SYCP2L: variants seen among roughly 807,000 people sequenced by gnomAD.
SYCP2L encodes the protein synaptonemal complex protein 2-like.
SYCP2L carries 98 observed loss-of-function variants against 125.8 expected under a neutral mutation model. The observed-to-expected ratio is 0.78, with a 90% CI of 0.66 to 0.92. SYCP2L has a LOEUF of 0.92. SYCP2L is among the 40% of genes least tolerant of loss of function. SYCP2L has a pLI of 0.00. For synonymous variants in SYCP2L, 317 were observed against 325.4 expected, an observed-to-expected ratio of 0.97 and a Z score of 0.28; for missense variants, 842 against 936.4, an observed-to-expected ratio of 0.90 and a Z score of 1.32.
At chr6:10,891,418 A>ATTTTTTTT (rs61237589) in intron 1 of SYCP2L, 95 bp from the exon 2 acceptor site, 3 of 474,180 alleles carry the variant, frequency 6.3e-6, no homozygotes, top group South Asian at 2.7e-5. Flanking sequence ...CAAACCTTTA[A>ATTTTTTTT]TTTTTTTTTT....
chr6:10,887,209 C>G lies in SYCP2L; in HGVS notation c.9+74C>G. ...GCGCGAGGGCGCGGGGTCCCTGGGG[C>G]TCAGGTTCTGCCGCCTTGAGGTGTT... On this transcript the variant is annotated intron_variant, in intron 1 of 29. Coordinates refer to ENST00000283141, the MANE Select transcript of SYCP2L (RefSeq NM_001040274.3). The G allele has an allele frequency of 4.4e-6, 7 of 1,598,878 alleles. No individual in the cohort carries two copies. In the South Asian group the frequency reaches 7.7e-5, roughly 18 times the overall value.
intron 14 of SYCP2L, among the ~76,000 whole-genome samples, chr6:10,917,865 A>G (rs1232234031): frequency 1.3e-5 from 2 of 152,120 alleles, no homozygotes; most frequent in African/African-American, 4.8e-5. Flanking sequence ...CTCAGCATTT[A>G]TTTGTCTGAA....
At chr6:10,966,489 T>G (rs1017680575) in intron 29 of SYCP2L, among the ~76,000 whole-genome samples, 2 of 152,182 alleles carry the variant, frequency 1.3e-5, no homozygotes, top group Non-Finnish European at 2.9e-5. Context: ...GACCAATGGA[T>G]GGGAGATGGA....
At chr6:10,943,724 C>A (rs1398823625) in intron 23 of SYCP2L, among the ~76,000 whole-genome samples, 2 of 152,066 alleles carry the variant, frequency 1.3e-5, no homozygotes, top group African/African-American at 4.8e-5. Flanking sequence ...TCAGTTACTT[C>A]TTTTTATAAT....
chr6:10,924,565 T>G lies in SYCP2L; in HGVS notation c.1142T>G (p.Met381Arg), dbSNP rs962071195. ...KPMIISYKEV[M>R]KIEIHFDLQF... ...ATGATTATCAGCTACAAAGAAGTCATGAAAATAGAAATCCATTTTGATTTG... is the reference window on the plus strand; with the variant it reads ...ATGATTATCAGCTACAAAGAAGTCAGGAAAATAGAAATCCATTTTGATTTG... The change falls in exon 15 of 30, where the codon ATG becomes AGG. Residue 381 changes from methionine (M) to arginine (R), a missense_variant. Transcript: ENST00000283141. The G allele has an allele frequency of 1.1e-5, 18 of 1,606,186 alleles. No homozygotes were observed. Among genetic ancestry groups the G allele is most frequent in the Non-Finnish European group, 1.4e-5 (17 of 1,178,012 alleles).
chr6:10,948,166 C>T (rs1781348377), intron 23 of SYCP2L, among the ~76,000 whole-genome samples: 1 of 152,100 alleles, frequency 6.6e-6, no homozygotes, highest in Non-Finnish European at 1.5e-5. Flanking sequence ...CATATCCCCT[C>T]ACATAGTTAT....
chr6:10,920,214 T>G (rs534867656), intron 14 of SYCP2L, among the ~76,000 whole-genome samples: 18 of 152,256 alleles, frequency 1.2e-4, no homozygotes, highest in East Asian at 7.7e-4. Context: ...CTTTTTGTTT[T>G]GTTTGGTTTG....
At chr6:10,950,713 T>A (rs1008986200) in intron 23 of SYCP2L, among the ~76,000 whole-genome samples, 5 of 152,048 alleles carry the variant, frequency 3.3e-5, no homozygotes, top group African/African-American at 1.2e-4. Flanking sequence ...TAGACTGGAG[T>A]ACGGTGTGCA....
At chr6:10,958,938 C>A in intron 26 of SYCP2L, 63 bp downstream of exon 26, 3 of 1,426,466 alleles carry the variant, frequency 2.1e-6, no homozygotes, top group South Asian at 1.2e-5. Flanking sequence ...GCGTTTATCT[C>A]ATGACCACTG....
intron 23 of SYCP2L, 83 bp downstream of exon 23, chr6:10,942,829 ATTGCAGATCAAGTCACT>A (rs1781248206): frequency 4.0e-6 from 5 of 1,264,074 alleles, no homozygotes; most frequent in Non-Finnish European, 5.5e-6. Context: ...TGTTACTCAG[ATTGCAGATCAAGTCACT>A]TTGCACAGTG....
chr6:10,920,398 G>A (rs1478512505), intron 14 of SYCP2L, among the ~76,000 whole-genome samples: 1 of 152,068 alleles, frequency 6.6e-6, no homozygotes. Context: ...TTGTATTTTA[G>A]TAGAGATGGG....
In SYCP2L at chr6:10,889,115, C is replaced by G. The variant is rs546140116; in HGVS notation, c.9+1980C>G. Reference sequence around the variant, plus strand: ...GACCTCATGATATGCCCGCCTTGGCCTCCCAAAGTGCTGGGATTACAGGCG... The same window carrying G: ...GACCTCATGATATGCCCGCCTTGGCGTCCCAAAGTGCTGGGATTACAGGCG... On this transcript the variant is annotated intron_variant, in intron 1 of 29. Coordinates refer to ENST00000283141, the MANE Select transcript of SYCP2L (RefSeq NM_001040274.3). Among the ~76,000 whole-genome samples the G allele has an allele frequency of 3.9e-5, 6 of 152,310 alleles. No homozygotes were observed. The South Asian group carries it at 1.2e-3, about 32-fold the overall frequency.
At chr6:10,966,263 C>A (rs1781675118) in intron 29 of SYCP2L, among the ~76,000 whole-genome samples, 1 of 152,158 alleles carries the variant, frequency 6.6e-6, no homozygotes, top group Non-Finnish European at 1.5e-5. Flanking sequence ...ATTAGGGAAT[C>A]TACTAATACA....
intron 14 of SYCP2L, among the ~76,000 whole-genome samples, chr6:10,918,415 C>T (rs1454206145): frequency 1.3e-5 from 2 of 152,070 alleles, no homozygotes; most frequent in African/African-American, 4.8e-5. Flanking sequence ...ATTATTCTCA[C>T]ATTTGGTCGT....
At chr6:10,946,744 C>A (rs993782389) in intron 23 of SYCP2L, among the ~76,000 whole-genome samples, 3 of 151,938 alleles carry the variant, frequency 2.0e-5, no homozygotes, top group Non-Finnish European at 4.4e-5. Flanking sequence ...TTTCCCTCCT[C>A]AATATATATA....
chr6:10,888,066 C>CT (rs70991066), intron 1 of SYCP2L, among the ~76,000 whole-genome samples: 1 of 74,316 alleles, frequency 1.3e-5, no homozygotes, highest in African/African-American at 5.3e-5. Context: ...GTGTTACCAT[C>CT]TTTTTTTTTT....
In SYCP2L at chr6:10,906,013, G is replaced by T; in HGVS notation, c.642-7G>T. Reference sequence around the variant, plus strand: ...TCAGTTAAATGTGATTTATCTAAATGTTTCAGGAAAGACCTTGCAAGGACA... The same window carrying T: ...TCAGTTAAATGTGATTTATCTAAATTTTTCAGGAAAGACCTTGCAAGGACA... On this transcript the variant is annotated splice_polypyrimidine_tract_variant and splice_region_variant and intron_variant, in intron 8 of 29. Transcript: ENST00000283141. 1 of 1,594,026 alleles carries T rather than the reference G, an allele frequency of 6.3e-7. No individual in the cohort carries two copies. The highest frequency in any genetic ancestry group is 8.6e-7 in the Non-Finnish European group (1 of 1,164,874).
intron 26 of SYCP2L, among the ~76,000 whole-genome samples, chr6:10,960,851 G>A (rs1051640007): frequency 3.9e-5 from 6 of 152,264 alleles, no homozygotes; most frequent in African/African-American, 1.4e-4. Context: ...TGAGGCAGGC[G>A]GATCACCTGA....
chr6:10,955,867 C>G (rs1290756050), intron 24 of SYCP2L, among the ~76,000 whole-genome samples: 1 of 152,176 alleles, frequency 6.6e-6, no homozygotes, highest in African/African-American at 2.4e-5. Flanking sequence ...CAGAGAAATA[C>G]CCTAGCTATA....
Sources: allele counts gnomAD v4.1 joint callset (sites outside exome capture counted in the v4.1 genomes callset), GRCh38; gene constraint gnomAD v4.1.1; transcripts MANE v1.5; gene names NCBI Gene and HGNC (gene_info 2026-07-23, HGNC 2026-07-21).